The following ANKRD36C variants were observed in gnomAD, a reference collection of about 807,000 sequenced individuals.
ANKRD36C encodes ankyrin repeat domain-containing protein 36C.
ANKRD36C carries 61 observed loss-of-function variants against 276.4 expected under a neutral mutation model. The observed-to-expected ratio is 0.22, with a 90% CI of 0.18 to 0.27. ANKRD36C has a LOEUF of 0.27. Ranked by LOEUF, ANKRD36C falls within the 10% of genes least tolerant of loss-of-function variation. The pLI is 1.00. For synonymous variants in ANKRD36C, 483 were observed against 680.1 expected, an observed-to-expected ratio of 0.71 and a Z score of 4.51; for missense variants, 1,447 against 2,032.3, an observed-to-expected ratio of 0.71 and a Z score of 5.54.
At chr2:95,987,759 C>T (rs1259193505) in intron 1 of ANKRD36C, among the ~76,000 whole-genome samples, 1 of 151,962 alleles carries the variant, frequency 6.6e-6, no homozygotes, top group Non-Finnish European at 1.5e-5. Context: ...GTAGCTGGGA[C>T]TACAGGCGCC....
chr2:95,889,532 C>T (rs1301943727), intron 48 of ANKRD36C, among the ~76,000 whole-genome samples: 1 of 151,524 alleles, frequency 6.6e-6, no homozygotes, highest in Non-Finnish European at 1.5e-5. Flanking sequence ...CAAAATGATG[C>T]TGTCCCCTGA....
chr2:95,879,561 A>G (rs1252176297), intron 58 of ANKRD36C, among the ~76,000 whole-genome samples: 2 of 152,068 alleles, frequency 1.3e-5, no homozygotes, highest in Non-Finnish European at 2.9e-5. Flanking sequence ...CATCTACTCC[A>G]TAAACATAAA....
rs770982599 is a variant in ANKRD36C, at chr2:95,914,108, CT to C, written c.2550del (p.Val851CysfsTer9). On this transcript the variant is annotated frameshift_variant and splice_region_variant, in exon 40 of 67. Coordinates refer to ENST00000456556, the Ensembl canonical transcript of ANKRD36C. LOFTEE classifies it high-confidence loss of function. ...ACATTAAATCTCTTTTCAAAATTAC[CT>C]CTCCTAGTTTTTTCTCCATCCTCTT... is the stretch of plus-strand genomic sequence containing the variant. 6.4e-7 allele frequency: 1 copy of C among 1,563,576 alleles called. No homozygotes were observed. Among genetic ancestry groups the C allele is most frequent in the South Asian group, 1.2e-5 (1 of 85,872 alleles).
intron 42 of ANKRD36C, 114 bp from the exon 47 acceptor site, chr2:95,908,811 T>A: frequency 1.3e-6 from 2 of 1,502,358 alleles, no homozygotes; most frequent in Non-Finnish European, 1.8e-6. Context: ...AGCGTAGGCT[T>A]TGATGGCTTC....
At chr2:95,911,144 C>G (rs1441468552) in intron 42 of ANKRD36C, among the ~76,000 whole-genome samples, 1 of 151,492 alleles carries the variant, frequency 6.6e-6, no homozygotes, top group Non-Finnish European at 1.5e-5. Flanking sequence ...ATCATTATCT[C>G]TCACACCCAT....
rs747348146 is a variant in ANKRD36C, at chr2:95,882,449, A to G, written c.3294+20T>C. The G allele has an allele frequency of 1.7e-4, 261 of 1,548,838 alleles. No individual in the cohort carries two copies. The highest frequency in any genetic ancestry group is 2.2e-4 in the Non-Finnish European group (252 of 1,146,664). On this transcript the variant is annotated intron_variant, in intron 55 of 66. Transcript: ENST00000456556. ...GGCTATGCAATAAATAATTCAAAAT[A>G]TAAATGAAAGAGTAACTACCTTCTG...
intron 36 of ANKRD36C, among the ~76,000 whole-genome samples, chr2:95,917,072 G>C (rs529920957): frequency 6.6e-6 from 1 of 151,648 alleles, no homozygotes; most frequent in African/African-American, 2.4e-5. Context: ...AATAGCTATT[G>C]TATCCAAGAC....
rs750798388 is a variant in ANKRD36C at position 95,918,088 on chromosome 2, A to G, written c.2246-46T>C. Reference sequence around the variant, plus strand: ...ATAATCACTCATGTGTAAATATGATAAAGTTATCCATACATTCACACAGTG... The same window carrying G: ...ATAATCACTCATGTGTAAATATGATGAAGTTATCCATACATTCACACAGTG... On this transcript the variant is annotated intron_variant, in intron 34 of 66. Coordinates refer to ENST00000456556, the Ensembl canonical transcript of ANKRD36C. The G allele has an allele frequency of 7.6e-6, 12 of 1,585,190 alleles. No individual in the cohort carries two copies. In the South Asian group the frequency reaches 1.3e-4, roughly 18 times the overall value.
chr2:95,962,383 T>C, exon 8 of ANKRD36C: 3 of 1,562,824 alleles, frequency 1.9e-6, no homozygotes, highest in Non-Finnish European at 2.6e-6. Context: ...CCTTTATTTC[T>C]GTGGCTATAT....
chr2:95,950,346 T>C (rs1329295297), intron 16 of ANKRD36C, among the ~76,000 whole-genome samples: 65 of 148,734 alleles, frequency 4.4e-4, no homozygotes, highest in Middle Eastern at 3.4e-3. Context: ...AATAACACTC[T>C]AAAGACAGTT....
Position 95,861,461 on chromosome 2 carries a change from G to T in ANKRD36C, c.3683-1387C>A, listed in dbSNP as rs569311266. Among the ~76,000 whole-genome samples, 16 of 150,748 alleles carry T rather than the reference G, an allele frequency of 1.1e-4. No individual in the cohort carries two copies. In the East Asian group the frequency reaches 2.7e-3, roughly 26 times the overall value. On this transcript the variant is annotated intron_variant, in intron 60 of 66. Coordinates refer to ENST00000456556, the Ensembl canonical transcript of ANKRD36C. ...ATAATCCCACAGATTCAGGAAGGAAGTGTCTGGGACAGAAAAAAATGAAAA... is the reference window on the plus strand; with the variant it reads ...ATAATCCCACAGATTCAGGAAGGAATTGTCTGGGACAGAAAAAAATGAAAA...
intron 16 of ANKRD36C, 111 bp from the exon 17 acceptor site, chr2:95,948,707 T>G: frequency 1.1e-6 from 1 of 931,336 alleles, no homozygotes; most frequent in East Asian, 2.7e-5. Context: ...TAAAACAAAG[T>G]CTGAGGAAGG....
At chr2:95,875,689 A>G (rs1337902991) in intron 59 of ANKRD36C, among the ~76,000 whole-genome samples, 1 of 152,186 alleles carries the variant, frequency 6.6e-6, no homozygotes, top group African/African-American at 2.4e-5. Context: ...ATAATAATAA[A>G]ATAAAATAAG....
chr2:95,988,361 A>G (rs1679075211), intron 1 of ANKRD36C, among the ~76,000 whole-genome samples: 1 of 152,008 alleles, frequency 6.6e-6, no homozygotes, highest in South Asian at 2.1e-4. Context: ...GTTAAAGGTT[A>G]TCTTTCACTA....
intron 42 of ANKRD36C, 60 bp downstream of exon 44, chr2:95,912,184 C>T: frequency 7.2e-6 from 11 of 1,534,572 alleles, no homozygotes; most frequent in East Asian, 2.5e-5. Flanking sequence ...CTGATTTATT[C>T]GGGGAAGAGA....
chr2:95,922,362 C>T (rs966364864), intron 32 of ANKRD36C, among the ~76,000 whole-genome samples: 1 of 151,502 alleles, frequency 6.6e-6, no homozygotes, highest in Non-Finnish European at 1.5e-5. Context: ...TTCCTGAATC[C>T]GAGTAAATAA....
chr2:95,941,671 A>T (rs1677895562), intron 19 of ANKRD36C, among the ~76,000 whole-genome samples: 1 of 152,310 alleles, frequency 6.6e-6, no homozygotes, highest in Non-Finnish European at 1.5e-5. Flanking sequence ...TGGGAGAAAC[A>T]GGCCAAACCA....
intron 60 of ANKRD36C, among the ~76,000 whole-genome samples, chr2:95,863,813 A>T (rs939982860): frequency 2.6e-5 from 4 of 152,178 alleles, no homozygotes; most frequent in Non-Finnish European, 4.4e-5. Flanking sequence ...AAAGGGTGCC[A>T]AAGGGTAAGA....
chr2:95,908,421 G>C, intron 42 of ANKRD36C, 81 bp downstream of exon 48: 5 of 1,261,666 alleles, frequency 4.0e-6, no homozygotes, highest in Non-Finnish European at 5.4e-6. Context: ...GCTTCAACGA[G>C]CCCCCCGCTG....
Sources: gnomAD v4.1 joint callset for allele counts (sites outside exome capture counted in the v4.1 genomes callset) on GRCh38, gnomAD v4.1.1 for gene constraint, MANE v1.5 for transcripts, NCBI Gene and HGNC (gene_info 2026-07-23, HGNC 2026-07-21) for gene names.